Variants in WNK1 observed in about 807,000 individuals in gnomAD.
WNK1 encodes WNK lysine deficient protein kinase 1.
A neutral mutation model predicts 222.8 loss-of-function variants in WNK1; 38 were observed. The observed-to-expected ratio is 0.17, with a 90% confidence interval of 0.13 to 0.22. The LOEUF (loss-of-function observed/expected upper bound fraction) is 0.22. Ranked by LOEUF, WNK1 falls within the 10% of genes least tolerant of loss-of-function variation. The pLI, the probability that WNK1 is intolerant of heterozygous loss-of-function variation, is 1.00. For missense variants in WNK1, 2,348 were observed against 2,918.4 expected (o/e 0.80, Z 4.50); for synonymous variants, 1,090 against 1,092.9 (o/e 1.00, Z 0.05).
chr12:900,016 C>CTTTTTTCT (rs1955106480), intron 25 of WNK1, among the ~76,000 whole-genome samples: 2 of 119,642 alleles, frequency 1.7e-5, no homozygotes, highest in African/African-American at 3.2e-5. Flanking sequence ...GGATTCTTTT[C>CTTTTTTCT]TTTTTTTTTT....
chr12:770,008 T>G (rs1055358662), intron 1 of WNK1, among the ~76,000 whole-genome samples: 7 of 151,784 alleles, frequency 4.6e-5, no homozygotes, highest in Non-Finnish European at 1.0e-4. Context: ...AGTTTCACTC[T>G]TGTTGCCCAG....
intron 4 of WNK1, among the ~76,000 whole-genome samples, chr12:837,759 C>T (rs558929851): frequency 2.0e-5 from 3 of 152,096 alleles, no homozygotes; most frequent in Admixed American, 1.3e-4. Context: ...CTTCTCGGGC[C>T]ATATTTAGTT....
chr12:831,017 G>A (rs1206426479), intron 4 of WNK1, among the ~76,000 whole-genome samples: 1 of 152,182 alleles, frequency 6.6e-6, no homozygotes, highest in East Asian at 1.9e-4. Flanking sequence ...TTCGAGGAAT[G>A]TTCCACATTC....
chr12:770,188 G>T (rs1437786191), intron 1 of WNK1, among the ~76,000 whole-genome samples: 2 of 152,040 alleles, frequency 1.3e-5, no homozygotes, highest in African/African-American at 2.4e-5. Flanking sequence ...TGGTCAGGCT[G>T]GTCTCAAACT....
At position 884,223 on chromosome 12, in the gene WNK1, C is replaced by G; in HGVS notation, c.3824C>G (p.Pro1275Arg). ...ESRLRESKVFPSEITDTVAAS... is the reference protein window; with the variant it reads ...ESRLRESKVFRSEITDTVAAS... The stretch of plus-strand genomic sequence containing the variant: ...CGATTACGAGAATCAAAAGTTTTCC[C>G]CAGTGAAATAACAGATACAGGTAAG... The change falls in exon 18 of 28, where the codon CCC (proline) becomes CGC (arginine). Residue 1275 changes from proline to arginine, a missense_variant. Pro to Arg is a moderately radical substitution (Grantham distance 103). Transcript: ENST00000315939. This position sits in a 1 kb window ranked among gnomAD's most constrained non-coding sequence, Gnocchi z 5.6. 1 of 1,613,990 alleles carries G rather than the reference C, an allele frequency of 6.2e-7. No individual in the cohort carries two copies. The highest frequency in any genetic ancestry group is 1.1e-5 in the South Asian group (1 of 91,076).
chr12:784,472 A>C (rs116478968), intron 1 of WNK1, among the ~76,000 whole-genome samples: 1 of 152,152 alleles, frequency 6.6e-6, no homozygotes, highest in African/African-American at 2.4e-5. Context: ...ATAATATGTT[A>C]GCATTTAATA....
intron 2 of WNK1, among the ~76,000 whole-genome samples, chr12:819,875 T>C (rs983526532): frequency 1.3e-5 from 2 of 152,222 alleles, no homozygotes; most frequent in African/African-American, 4.8e-5. Context: ...TTTAATCATA[T>C]GTATAGGTTT....
Position 861,265 on chromosome 12 carries a change from A to G in WNK1, c.1873A>G (p.Thr625Ala), listed in dbSNP as rs769530791. 4 of 1,614,170 alleles carry G rather than the reference A, an allele frequency of 2.5e-6. No individual in the cohort carries two copies. The highest frequency in any genetic ancestry group is 1.7e-5 in the Admixed American group (1 of 60,018). The change falls in exon 7 of 28, where the codon ACA (threonine) becomes GCA (alanine). Residue 625 changes from threonine (T) to alanine (A), a missense_variant. Physicochemically the swap from Thr to Ala is moderately conservative, Grantham distance 58. Transcript: ENST00000315939. Reference protein sequence around the residue: ...TASTTSASVSTQVEPEEPEAD... With the variant: ...TASTTSASVSAQVEPEEPEAD... ...TTCTACCACTTCAGCTTCAGTTTCT[A>G]CACAAGTAGAACCTGAAGAACCTGA...
chr12:862,134 G>A lies in WNK1; in HGVS notation c.2003G>A (p.Arg668Gln), dbSNP rs753167766. 3.1e-6 allele frequency: 5 copies of A among 1,613,974 alleles called. No homozygotes were observed. Among genetic ancestry groups the A allele is most frequent in the African/African-American group, 1.3e-5 (1 of 74,962 alleles). The stretch of plus-strand genomic sequence containing the variant: ...GGATCCTCTGTCTTCACAGAATCTC[G>A]AGTGAGCAGCCAACAGACAGTTTCA... ...GQGSSVFTES[R>Q]VSSQQTVSYG... The change falls in exon 8 of 28, where the codon CGA (arginine) becomes CAA (glutamine). Residue 668 changes from arginine to glutamine, a missense_variant. Physicochemically the swap from Arg to Gln is conservative, Grantham distance 43. This residue lies in a region of WNK1 where 547 missense variants were observed against 558.3 expected (regional missense o/e 0.98). Transcript: ENST00000315939.
chr12:829,618 C>CCATT (rs1591899011), intron 3 of WNK1, among the ~76,000 whole-genome samples: 1 of 152,114 alleles, frequency 6.6e-6, no homozygotes, highest in South Asian at 2.1e-4. Context: ...TACAGATGTA[C>CCATT]CATTATATTT....
In WNK1 at chr12:798,874, A is replaced by T. The variant is rs1304169693; in HGVS notation, c.760-14768A>T. Among the ~76,000 whole-genome samples, 3 of 151,888 alleles carry T rather than the reference A, an allele frequency of 2.0e-5. No homozygotes were observed. In the East Asian group the frequency reaches 5.8e-4, roughly 29 times the overall value. On this transcript the variant is annotated intron_variant, in intron 1 of 27. Coordinates refer to ENST00000315939, the MANE Select transcript of WNK1 (RefSeq NM_018979.4). ...TTTTTGGTTTTGGAAACTTCTCTTA[A>T]TTTTTACTTTTTCTCTACCATCTAT...
intron 25 of WNK1, among the ~76,000 whole-genome samples, chr12:899,404 G>A (rs1955032679): frequency 1.3e-5 from 2 of 152,054 alleles, no homozygotes; most frequent in South Asian, 4.2e-4. Flanking sequence ...AAGTAGCTGG[G>A]ATTACAAGCA....
chr12:813,265 T>G (rs1947064000), intron 1 of WNK1, among the ~76,000 whole-genome samples: 1 of 152,172 alleles, frequency 6.6e-6, no homozygotes, highest in Admixed American at 6.5e-5. Flanking sequence ...AAACAATGTT[T>G]TGGTTAAAGA....
intron 1 of WNK1, among the ~76,000 whole-genome samples, chr12:789,963 A>C (rs1046265002): frequency 6.6e-6 from 1 of 152,222 alleles, no homozygotes; most frequent in African/African-American, 2.4e-5. Flanking sequence ...GTCTAGATCA[A>C]ATACTGAAAA....
At position 799,015 on chromosome 12, in the gene WNK1, A is replaced by G. The variant is rs75416277; in HGVS notation, c.760-14627A>G. ...TCCCTATTCTCTTTTTTGGGGGGGC[A>G]TATATTTATATGTTGGAATTCTTGT... On this transcript the variant is annotated intron_variant, in intron 1 of 27. Coordinates refer to ENST00000315939, the MANE Select transcript of WNK1 (RefSeq NM_018979.4). Among the ~76,000 whole-genome samples, 591 of 151,978 alleles carry G rather than the reference A, an allele frequency of 3.9e-3. 4 individuals are homozygous for G. Among genetic ancestry groups the G allele is most frequent in the African/African-American group, 0.013 (554 of 41,464 alleles).
intron 15 of WNK1, 78 bp downstream of exon 15, chr12:883,137 A>G (rs531984906): frequency 2.3e-5 from 25 of 1,110,290 alleles, no homozygotes; most frequent in African/African-American, 2.0e-4. Context: ...AATATGCCAT[A>G]TTTTATAATC....
chr12:844,890 CTTTTTTTTTTTT>C (rs11352734), intron 4 of WNK1, among the ~76,000 whole-genome samples: 7 of 80,432 alleles, frequency 8.7e-5, no homozygotes, highest in East Asian at 4.0e-4. Context: ...TGTACCTTCT[CTTTTTTTTTTTT>C]TTTTTTTTTT....
At chr12:834,832 A>G (rs1591926714) in intron 4 of WNK1, among the ~76,000 whole-genome samples, 2 of 152,280 alleles carry the variant, frequency 1.3e-5, no homozygotes, top group African/African-American at 4.8e-5. Context: ...AAAGGCTTAA[A>G]ATAACATCTA....
chr12:898,093 C>T (rs963935708), intron 25 of WNK1, among the ~76,000 whole-genome samples: 1 of 152,158 alleles, frequency 6.6e-6, no homozygotes, highest in Non-Finnish European at 1.5e-5. Context: ...ATAATTGCAA[C>T]TTAGATGAAT....
Sources: gnomAD v4.1 joint callset for allele counts (sites outside exome capture counted in the v4.1 genomes callset) on GRCh38, gnomAD v4.1.1 for gene constraint, gnomAD v4.1.1 regional missense constraint, Gnocchi (gnomAD v3.1) non-coding constraint, MANE v1.5 for transcripts, NCBI Gene and HGNC (gene_info 2026-07-23, HGNC 2026-07-21) for gene names.